The following PRRC2A variants were observed in gnomAD, a reference collection of about 807,000 sequenced individuals.
PRRC2A encodes the protein protein PRRC2A.
In PRRC2A, 59 loss-of-function variants were observed where a neutral mutation model predicts 224.6. The ratio of observed to expected loss-of-function variants is 0.26; its 90% confidence interval spans 0.21 to 0.33. PRRC2A has a LOEUF of 0.33. Ranked by LOEUF, PRRC2A falls within the 10% of genes least tolerant of loss-of-function variation. The pLI is 1.00. For missense variants in PRRC2A, 3,095 were observed against 2,880.7 expected (o/e 1.07, Z -1.70); for synonymous variants, 1,194 against 1,109.5 (o/e 1.08, Z -1.51).
At position 31,630,174 on chromosome 6, in the gene PRRC2A, C is replaced by T. The variant is rs190548239; in HGVS notation, c.2254+329C>T. Among the ~76,000 whole-genome samples, 462 of 152,180 alleles carry T rather than the reference C, an allele frequency of 3.0e-3. 1 individual carries two copies. Among genetic ancestry groups the T allele is most frequent in the African/African-American group, 0.01 (430 of 41,518 alleles). ...TCTACTAAAAATACAAAAAAGTAGC[C>T]GGCGTGGTGGCGCTCGCCTGTAGTC... is the stretch of plus-strand genomic sequence containing the variant. On this transcript the variant is annotated intron_variant, in intron 14 of 30. Transcript: ENST00000376033.
chr6:31,625,337 A>C lies in PRRC2A; in HGVS notation c.607+23A>C, dbSNP rs751221101. ...AAAGTGAGTGGCTGCCTTTTGGCCAAGACATTACCTATTGCATCTCAGAGC... is the reference window on the plus strand; with the variant it reads ...AAAGTGAGTGGCTGCCTTTTGGCCACGACATTACCTATTGCATCTCAGAGC... On this transcript the variant is annotated intron_variant, in intron 6 of 30. Coordinates refer to ENST00000376033, the MANE Select transcript of PRRC2A (RefSeq NM_004638.4). The surrounding 1 kb of genome is among the most constrained non-coding windows in gnomAD (Gnocchi z 4.1). The C allele has an allele frequency of 6.2e-7, 1 of 1,614,136 alleles. No homozygotes were observed. The highest frequency in any genetic ancestry group is 1.7e-5 in the Admixed American group (1 of 60,024).
chr6:31,627,009 G>C lies in PRRC2A; in HGVS notation c.1101G>C (p.Glu367Asp). 1 of 1,614,202 alleles carries C rather than the reference G, an allele frequency of 6.2e-7. No homozygotes were observed. Among genetic ancestry groups the C allele is most frequent in the East Asian group, 2.2e-5 (1 of 44,872 alleles). The change falls in exon 11 of 31, where the codon GAG (glutamate) becomes GAC (aspartate). Residue 367 changes from glutamate to aspartate, a missense_variant. Coordinates refer to ENST00000376033, the MANE Select transcript of PRRC2A (RefSeq NM_004638.4). This position sits in a 1 kb window ranked among gnomAD's most constrained non-coding sequence, Gnocchi z 5.6. ...GHRDSQSASGEERPPEADGKK... is the reference protein window; with the variant it reads ...GHRDSQSASGDERPPEADGKK... Reference sequence around the variant, plus strand: ...GGGATTCCCAATCAGCTTCTGGTGAGGAACGGCCCCCTGAAGCAGATGGCA... The same window carrying C: ...GGGATTCCCAATCAGCTTCTGGTGACGAACGGCCCCCTGAAGCAGATGGCA...
chr6:31,621,214 GT>G (rs1775242710), intron 1 of PRRC2A, among the ~76,000 whole-genome samples: 2 of 151,614 alleles, frequency 1.3e-5, no homozygotes, highest in South Asian at 4.2e-4. Flanking sequence ...CCCCGTGGTG[GT>G]GGGCCGCGCC....
chr6:31,630,750 C>A lies in PRRC2A; in HGVS notation c.2414C>A (p.Pro805Gln), dbSNP rs774382697. The A allele has an allele frequency of 6.2e-7, 1 of 1,614,184 alleles. No individual in the cohort carries two copies. Among genetic ancestry groups the A allele is most frequent in the South Asian group, 1.1e-5 (1 of 91,084 alleles). Residue 805 changes from proline (P) to glutamine (Q), a missense_variant, in exon 15 of 31, where the codon CCA becomes CAA. This residue lies in a region of PRRC2A where 2,001 missense variants were observed against 1,764.9 expected (regional missense o/e 1.13). Transcript: ENST00000376033. ...ACCGCCACACCCGCTGAACCCCGCC[C>A]ACTTACCTCACCTCTGCGCCAGGCT... is the stretch of plus-strand genomic sequence containing the variant. ...VFTATPAEPR[P>Q]LTSPLRQAAD...
Position 31,625,068 on chromosome 6 carries a change from G to T in PRRC2A, c.464-103G>T. On this transcript the variant is annotated intron_variant, in intron 5 of 30. Coordinates refer to ENST00000376033, the MANE Select transcript of PRRC2A (RefSeq NM_004638.4). This position sits in a 1 kb window ranked among gnomAD's most constrained non-coding sequence, Gnocchi z 4.1. ...CCGCCTCAGCCTCCCAGAGTGCTGG[G>T]ATTACAGGCGTGAGCCACCGCGCCC... is the stretch of plus-strand genomic sequence containing the variant. 7.4e-7 allele frequency: 1 copy of T among 1,349,200 alleles called. No individual in the cohort carries two copies. Among genetic ancestry groups the T allele is most frequent in the Non-Finnish European group, 1.0e-6 (1 of 972,346 alleles). 83.6% of individuals were successfully genotyped at this position (1,349,200 alleles called of 1,614,324 possible).
intron 12 of PRRC2A, 152 bp from the exon 13 acceptor site, chr6:31,628,992 T>C: frequency 1.3e-6 from 1 of 766,410 alleles, no homozygotes; most frequent in Non-Finnish European, 2.2e-6. Flanking sequence ...AGTGCTTTAA[T>C]GGGTCTTAAA....
In PRRC2A at chr6:31,635,195, G is replaced by C; in HGVS notation, c.5224G>C (p.Asp1742His). 1 of 1,612,904 alleles carries C rather than the reference G, an allele frequency of 6.2e-7. No homozygotes were observed. Among genetic ancestry groups the C allele is most frequent in the Admixed American group, 1.7e-5 (1 of 60,022 alleles). Residue 1742 changes from aspartate (D) to histidine (H), a missense_variant, in exon 22 of 31, where the codon GAC becomes CAC. Transcript: ENST00000376033. ...TGGCACAGAACGATCACAGCGTACA[G>C]ACCGAGGCACAGAGCCTGGCCCCAT... ...PIGTERSQRT[D>H]RGTEPGPIRP...
In PRRC2A at chr6:31,620,729, C is replaced by G. The variant is rs567602926; in HGVS notation, c.-230C>G. 1 of 152,324 alleles carries G rather than the reference C, an allele frequency of 6.6e-6. No homozygotes were observed. Among genetic ancestry groups the G allele is most frequent in the East Asian group, 1.9e-4 (1 of 5,160 alleles). 9.4% of individuals were successfully genotyped at this position (152,324 alleles called of 1,614,324 possible). ...GATGGGCCGTTAGTCGGGGCTCAGC[C>G]GCGGAGTGAGCGAGGGAGACGGGAG... On this transcript the variant is annotated 5_prime_UTR_variant, in exon 1 of 31. Transcript: ENST00000376033.
At chr6:31,622,407 G>A (rs920990100) in intron 1 of PRRC2A, among the ~76,000 whole-genome samples, 1 of 152,176 alleles carries the variant, frequency 6.6e-6, no homozygotes, top group Non-Finnish European at 1.5e-5. Context: ...GGAGAGAGAA[G>A]AGATTATTAC....
At chr6:31,623,003 A>C (rs1775468011) in intron 2 of PRRC2A, 102 bp downstream of exon 2, 6 of 1,028,228 alleles carry the variant, frequency 5.8e-6, no homozygotes, top group Non-Finnish European at 7.7e-6. Flanking sequence ...TAGAAATACC[A>C]AAAGACTAGA....
Position 31,632,616 on chromosome 6 carries a change from G to C in PRRC2A, c.3943G>C (p.Asp1315His). The C allele has an allele frequency of 1.2e-6, 2 of 1,613,090 alleles. No homozygotes were observed. Among genetic ancestry groups the C allele is most frequent in the Non-Finnish European group, 1.7e-6 (2 of 1,180,042 alleles). The change falls in exon 16 of 31, where the codon GAC becomes CAC. Residue 1315 changes from aspartate to histidine, a missense_variant. This residue lies in a region of PRRC2A where 2,001 missense variants were observed against 1,764.9 expected (regional missense o/e 1.13). Transcript: ENST00000376033. ...TCCTGATCTGTCAAACCAGAACTCA[G>C]ACCAAGCCAATGAGGAATGGGAGAC... ...KSPDLSNQNSDQANEEWETAS... is the reference protein window; with the variant it reads ...KSPDLSNQNSHQANEEWETAS...
chr6:31,623,386 G>C (rs1775535860), intron 2 of PRRC2A, among the ~76,000 whole-genome samples: 2 of 149,038 alleles, frequency 1.3e-5, no homozygotes, highest in Admixed American at 6.8e-5. Flanking sequence ...TCCTGCCTCA[G>C]CCTCCTGAGT....
chr6:31,631,476 C>G lies in PRRC2A; in HGVS notation c.2803C>G (p.Arg935Gly). Residue 935 changes from arginine to glycine, a missense_variant, in exon 16 of 31, where the codon CGT becomes GGT. Around this residue, in one of 8 missense-constraint regions of PRRC2A, gnomAD observed 2,001 missense variants for 1,764.9 expected, o/e 1.13. Coordinates refer to ENST00000376033, the MANE Select transcript of PRRC2A (RefSeq NM_004638.4). The surrounding 1 kb of genome is among the most constrained non-coding windows in gnomAD (Gnocchi z 4.5). ...RWGPRPGSSR[R>G]GIPPEEPGAP... ...GGGCCCTCGTCCAGGGAGCAGTCGT[C>G]GTGGAATCCCTCCAGAGGAGCCAGG... 1.2e-6 allele frequency: 2 copies of G among 1,610,186 alleles called. No individual in the cohort carries two copies. Among genetic ancestry groups the G allele is most frequent in the South Asian group, 2.2e-5 (2 of 90,754 alleles).
In PRRC2A at chr6:31,637,731, G is replaced by A. The variant is rs868675306; in HGVS notation, c.*145G>A. 1.1e-5 allele frequency: 5 copies of A among 458,024 alleles called. No homozygotes were observed. Among genetic ancestry groups the A allele is most frequent in the African/African-American group, 6.1e-5 (3 of 49,076 alleles). The allele number at this position is 458,024 out of a possible 1,614,324, so 28.4% of individuals were successfully genotyped here. A position where few individuals can be genotyped will look rare whatever the true frequency, so the allele number is the denominator to read the frequency against. On this transcript the variant is annotated 3_prime_UTR_variant, in exon 31 of 31. Coordinates refer to ENST00000376033, the MANE Select transcript of PRRC2A (RefSeq NM_004638.4). ...CCCCTGGTCCCCTGTCCCTGGGGCT[G>A]TTTGTTAAAAAAGAGTAATAAAAGG...
chr6:31,629,218 C>G lies in PRRC2A; in HGVS notation c.1840C>G (p.Pro614Ala). The change falls in exon 13 of 31, where the codon CCA (proline) becomes GCA (alanine). Residue 614 changes from proline (P) to alanine (A), a missense_variant. Physicochemically the swap from Pro to Ala is conservative, Grantham distance 27. Around this residue, in one of 8 missense-constraint regions of PRRC2A, gnomAD observed 2,001 missense variants for 1,764.9 expected, o/e 1.13. Coordinates refer to ENST00000376033, the MANE Select transcript of PRRC2A (RefSeq NM_004638.4). ...EVPPPTTPPV[P>A]KVEPKGDGIG... ...TCCTCCTCCTACCACACCCCCAGTTCCAAAGGTGGAACCCAAGGGTGATGG... is the reference window on the plus strand; with the variant it reads ...TCCTCCTCCTACCACACCCCCAGTTGCAAAGGTGGAACCCAAGGGTGATGG... 1 of 1,614,118 alleles carries G rather than the reference C, an allele frequency of 6.2e-7. No individual in the cohort carries two copies. Among genetic ancestry groups the G allele is most frequent in the Non-Finnish European group, 8.5e-7 (1 of 1,180,000 alleles).
intron 9 of PRRC2A, 148 bp from the exon 10 acceptor site, chr6:31,626,624 G>GT (rs1200577436): frequency 1.4e-6 from 1 of 698,768 alleles, no homozygotes. Flanking sequence ...GGTGAGAGGA[G>GT]TAAGAATGAC....
rs1385738670 is a variant in PRRC2A at position 31,636,062 on chromosome 6, G to A, written c.5624+13G>A. On this transcript the variant is annotated intron_variant, in intron 25 of 30. Coordinates refer to ENST00000376033, the MANE Select transcript of PRRC2A (RefSeq NM_004638.4). This position sits in a 1 kb window ranked among gnomAD's most constrained non-coding sequence, Gnocchi z 4.3. ...TGCACCCTTACAGGTAAGACTCGAT[G>A]CCTGTGGATCACAGAAGTACTTGGA... 1.2e-6 allele frequency: 2 copies of A among 1,601,528 alleles called. No individual in the cohort carries two copies. Among genetic ancestry groups the A allele is most frequent in the Non-Finnish European group, 1.7e-6 (2 of 1,168,780 alleles).
rs1479626315 is a variant in PRRC2A at position 31,633,949 on chromosome 6, G to A, written c.4679G>A (p.Arg1560His). Residue 1560 changes from arginine (R) to histidine (H), a missense_variant, in exon 18 of 31, where the codon CGT becomes CAT. Coordinates refer to ENST00000376033, the MANE Select transcript of PRRC2A (RefSeq NM_004638.4). ...SAGVSPFPPK[R>H]RERPPRKPEL... ...GGGGTTAGTCCCTTTCCCCCTAAACGTCGGGAGCGGCCTCCCAGAAAACCA... is the reference window on the plus strand; with the variant it reads ...GGGGTTAGTCCCTTTCCCCCTAAACATCGGGAGCGGCCTCCCAGAAAACCA... The A allele has an allele frequency of 1.7e-5, 27 of 1,601,548 alleles. No individual in the cohort carries two copies. Among genetic ancestry groups the A allele is most frequent in the East Asian group, 2.2e-5 (1 of 44,798 alleles).
At position 31,636,082 on chromosome 6, in the gene PRRC2A, C is replaced by G. The variant is rs767811656; in HGVS notation, c.5624+33C>G. On this transcript the variant is annotated intron_variant, in intron 25 of 30. Coordinates refer to ENST00000376033, the MANE Select transcript of PRRC2A (RefSeq NM_004638.4). This position sits in a 1 kb window ranked among gnomAD's most constrained non-coding sequence, Gnocchi z 4.3. The stretch of plus-strand genomic sequence containing the variant: ...TCGATGCCTGTGGATCACAGAAGTA[C>G]TTGGAGATGTGTTTCGGGGAGAGGG... 7 of 1,586,656 alleles carry G rather than the reference C, an allele frequency of 4.4e-6. No homozygotes were observed. Among genetic ancestry groups the G allele is most frequent in the Non-Finnish European group, 6.1e-6 (7 of 1,155,388 alleles).
Sources: allele counts gnomAD v4.1 joint callset (sites outside exome capture counted in the v4.1 genomes callset), GRCh38; gene constraint gnomAD v4.1.1; regional missense constraint gnomAD v4.1.1; non-coding constraint Gnocchi (gnomAD v3.1); transcripts MANE v1.5; gene names NCBI Gene and HGNC (gene_info 2026-07-23, HGNC 2026-07-21).